Variants in GNB1L observed in about 807,000 individuals in gnomAD.
GNB1L encodes guanine nucleotide-binding protein subunit beta-like protein 1.
A neutral mutation model predicts 29.1 loss-of-function variants in GNB1L; 20 were observed. The ratio of observed to expected loss-of-function variants is 0.69; its 90% CI spans 0.48 to 1.00. The LOEUF is 1.00. Ranked by LOEUF, GNB1L falls within the 50% of genes least tolerant of loss-of-function variation. GNB1L has a pLI of 0.00. For synonymous variants in GNB1L, 193 were observed against 206.5 expected (o/e 0.93, Z 0.56); for missense variants, 421 against 464.9 (o/e 0.91, Z 0.87).
intron 7 of GNB1L, chr22:19,792,512 G>C (rs1455586566): frequency 6.5e-7 from 1 of 1,543,756 alleles, no homozygotes; most frequent in Non-Finnish European, 8.9e-7. Flanking sequence ...TCTATAAGCG[G>C]CTGAAAGTGC....
chr22:19,789,824 G>A (rs1167541220), intron 7 of GNB1L, among the ~76,000 whole-genome samples: 6 of 141,746 alleles, frequency 4.2e-5, no homozygotes, highest in Non-Finnish European at 9.1e-5. Context: ...GCGACAGAGT[G>A]AGACCCTGTC....
intron 5 of GNB1L, among the ~76,000 whole-genome samples, chr22:19,807,633 T>C (rs1420813518): frequency 6.6e-6 from 1 of 152,214 alleles, no homozygotes; most frequent in African/African-American, 2.4e-5. Flanking sequence ...CACAGCCACC[T>C]TGGACAGAGC....
intron 2 of GNB1L, among the ~76,000 whole-genome samples, chr22:19,840,063 CAA>C (rs34717466): frequency 1.1e-4 from 15 of 142,756 alleles, no homozygotes; most frequent in Middle Eastern, 3.4e-3. Context: ...GATCTTGCCT[CAA>C]AAAAAAAAAA....
intron 2 of GNB1L, chr22:19,851,708 A>T: frequency 6.2e-7 from 1 of 1,602,782 alleles, no homozygotes; most frequent in Non-Finnish European, 8.5e-7. Flanking sequence ...GTACTCAGCA[A>T]AACTGTTCGG....
intron 4 of GNB1L, among the ~76,000 whole-genome samples, chr22:19,815,400 C>T (rs568524690): frequency 9.9e-5 from 15 of 152,248 alleles, no homozygotes; most frequent in South Asian, 8.3e-4. Flanking sequence ...GCACAGCCCC[C>T]GTGGCTCTGC....
At chr22:19,850,336 G>T in intron 2 of GNB1L, 1 of 984,962 alleles carries the variant, frequency 1.0e-6, no homozygotes, top group Non-Finnish European at 1.2e-6. Context: ...CTGCCAGGAG[G>T]GAGATCCAAG....
chr22:19,792,934 C>T, intron 7 of GNB1L: 2 of 1,307,538 alleles, frequency 1.5e-6, no homozygotes, highest in Non-Finnish European at 2.2e-6. Flanking sequence ...GACAAAGGCA[C>T]TTTGGCTAAG....
chr22:19,820,397 G>A (rs975792660), intron 4 of GNB1L, among the ~76,000 whole-genome samples: 5 of 152,196 alleles, frequency 3.3e-5, no homozygotes, highest in African/African-American at 1.2e-4. Flanking sequence ...TGGAGATGGT[G>A]GAGATGCAGA....
In GNB1L at chr22:19,816,183, C is replaced by G. The variant is rs1298742928; in HGVS notation, c.255-3736G>C. Among the ~76,000 whole-genome samples, 1 of 152,214 alleles carries G rather than the reference C, an allele frequency of 6.6e-6. No individual in the cohort carries two copies. The highest frequency in any genetic ancestry group is 1.5e-5 in the Non-Finnish European group (1 of 68,032). ...TGCCTCTCTCTCATGTCTTTGCACTCCTTCCTTCCCTGGGGACGAGGCCCA... is the reference window on the plus strand; with the variant it reads ...TGCCTCTCTCTCATGTCTTTGCACTGCTTCCTTCCCTGGGGACGAGGCCCA... On this transcript the variant is annotated intron_variant, in intron 4 of 7. Coordinates refer to ENST00000329517, the MANE Select transcript of GNB1L (RefSeq NM_053004.3). The surrounding 1 kb of genome is among the most constrained non-coding windows in gnomAD (Gnocchi z 4.4).
At chr22:19,846,919 G>A in intron 2 of GNB1L, 1 of 985,292 alleles carries the variant, frequency 1.0e-6, no homozygotes, top group Admixed American at 6.1e-5. Context: ...CAGACAAACA[G>A]GTATGTTGCC....
At chr22:19,794,765 G>A (rs1487997273) in intron 7 of GNB1L, among the ~76,000 whole-genome samples, 1 of 152,142 alleles carries the variant, frequency 6.6e-6, no homozygotes, top group Non-Finnish European at 1.5e-5. Flanking sequence ...GACGGATCAC[G>A]AGGTCAAGAG....
chr22:19,851,074 A>C, intron 2 of GNB1L: 1 of 1,468,830 alleles, frequency 6.8e-7, no homozygotes, highest in Non-Finnish European at 9.0e-7. Flanking sequence ...TCATCTGGGG[A>C]CACCACTCTG....
intron 2 of GNB1L, among the ~76,000 whole-genome samples, chr22:19,838,008 A>G (rs1475027825): frequency 6.6e-6 from 1 of 152,232 alleles, no homozygotes; most frequent in Non-Finnish European, 1.5e-5. Context: ...GCAGGAAGAT[A>G]CTTTAGGCAC....
intron 3 of GNB1L, 117 bp from the exon 4 acceptor site, chr22:19,820,840 G>T: frequency 8.2e-7 from 1 of 1,224,970 alleles, no homozygotes; most frequent in Non-Finnish European, 1.1e-6. Context: ...GAGCTGAAAA[G>T]CCAACAGCTC....
At chr22:19,837,183 G>C (rs1937779721) in intron 2 of GNB1L, among the ~76,000 whole-genome samples, 1 of 152,112 alleles carries the variant, frequency 6.6e-6, no homozygotes, top group African/African-American at 2.4e-5. Context: ...AGCCAGGATG[G>C]TGTTGATCTC....
intron 7 of GNB1L, among the ~76,000 whole-genome samples, chr22:19,800,042 T>C (rs1937351896): frequency 6.6e-6 from 1 of 152,258 alleles, no homozygotes; most frequent in South Asian, 2.1e-4. Flanking sequence ...CATGGGCCGA[T>C]GCCCTGCCCA....
At chr22:19,822,265 G>C (rs1937585521) in intron 2 of GNB1L, among the ~76,000 whole-genome samples, 1 of 152,242 alleles carries the variant, frequency 6.6e-6, no homozygotes, top group South Asian at 2.1e-4. Context: ...AGGGCAGAGT[G>C]GCTGGGGCAG....
intron 2 of GNB1L, chr22:19,849,082 C>CA (rs1938032869): frequency 1.0e-6 from 1 of 985,464 alleles, no homozygotes; most frequent in Non-Finnish European, 1.2e-6. Context: ...GGCACAGAAG[C>CA]ATGGGGCTGG....
At chr22:19,789,380 C>A (rs1937226676) in intron 7 of GNB1L, among the ~76,000 whole-genome samples, 2 of 152,202 alleles carry the variant, frequency 1.3e-5, no homozygotes, top group African/African-American at 4.8e-5. Flanking sequence ...CTCACAACCA[C>A]CCCAAAGCTG....
Sources: gnomAD v4.1 joint callset for allele counts (sites outside exome capture counted in the v4.1 genomes callset) on GRCh38, gnomAD v4.1.1 for gene constraint, Gnocchi (gnomAD v3.1) non-coding constraint, MANE v1.5 for transcripts, NCBI Gene and HGNC (gene_info 2026-07-23, HGNC 2026-07-21) for gene names.